Variants in SLC30A8 observed in about 807,000 individuals in gnomAD.
SLC30A8 encodes the protein proton-coupled zinc antiporter SLC30A8.
In SLC30A8, 27 loss-of-function variants were observed where a neutral mutation model predicts 36.9. The ratio of observed to expected loss-of-function variants is 0.73; its 90% CI spans 0.54 to 1.01. SLC30A8 has a LOEUF of 1.01. Ranked by LOEUF, SLC30A8 falls within the 50% of genes least tolerant of loss-of-function variation. SLC30A8 has a pLI of 0.00. For synonymous variants in SLC30A8, 164 were observed against 172.4 expected (o/e 0.95, Z 0.38); for missense variants, 439 against 452.0 (o/e 0.97, Z 0.26).
At chr8:117,056,341 C>T (rs1817870031) in intron 2 of SLC30A8, among the ~76,000 whole-genome samples, 1 of 152,114 alleles carries the variant, frequency 6.6e-6, no homozygotes, top group Non-Finnish European at 1.5e-5. Context: ...TGCTCACTTT[C>T]CATCACCACA....
At chr8:117,107,859 GGC>G (rs1193302569) in intron 2 of SLC30A8, among the ~76,000 whole-genome samples, 12 of 152,050 alleles carry the variant, frequency 7.9e-5, no homozygotes, top group African/African-American at 1.4e-4. Flanking sequence ...TTATTTTTAT[GGC>G]AAAGTATTGT....
chr8:116,962,418 C>A (rs550770754), intron 1 of SLC30A8, among the ~76,000 whole-genome samples: 4 of 151,994 alleles, frequency 2.6e-5, no homozygotes, highest in Non-Finnish European at 5.9e-5. Flanking sequence ...TTCCTGTCTT[C>A]ATTTTAACCT....
chr8:116,988,916 C>T (rs538774749), intron 1 of SLC30A8, among the ~76,000 whole-genome samples: 1 of 152,268 alleles, frequency 6.6e-6, no homozygotes, highest in East Asian at 1.9e-4. Context: ...TCATTGTATT[C>T]CTGACTTGTG....
At chr8:117,104,679 G>GA (rs549623523) in intron 2 of SLC30A8, among the ~76,000 whole-genome samples, 442 of 152,282 alleles carry the variant, frequency 2.9e-3, no homozygotes, top group African/African-American at 0.01. Flanking sequence ...GAAAGAATTT[G>GA]AGGCAAATCC....
chr8:117,059,500 C>T (rs1345121512), intron 2 of SLC30A8, among the ~76,000 whole-genome samples: 1 of 152,146 alleles, frequency 6.6e-6, no homozygotes, highest in Non-Finnish European at 1.5e-5. Flanking sequence ...AAGAACTATG[C>T]AACTGTCAGG....
intron 1 of SLC30A8, among the ~76,000 whole-genome samples, chr8:116,972,420 G>A (rs927200720): frequency 6.6e-6 from 1 of 152,184 alleles, no homozygotes; most frequent in Admixed American, 6.5e-5. Flanking sequence ...AACCGTGGAG[G>A]AATAAGCGAC....
rs1822268120 is a variant in SLC30A8, at chr8:117,152,996, A to G, written c.324A>G (p.Leu108=). The G allele has an allele frequency of 1.9e-6, 3 of 1,613,262 alleles. No homozygotes were observed. In the South Asian group the frequency reaches 3.3e-5, roughly 18 times the overall value. ...LAVVTDAAHL[L]IDLTSFLLSL... is the part of the protein sequence containing the mutation. The stretch of plus-strand genomic sequence containing the variant: ...TTGTCACAGATGCTGCCCACCTCTT[A>G]ATTGACCTGACCAGTTTCCTGCTCA... The change falls in exon 3 of 8, where the codon TTA becomes TTG. Residue 108 remains leucine, a synonymous_variant. Coordinates refer to ENST00000456015, the MANE Select transcript of SLC30A8 (RefSeq NM_173851.3).
chr8:117,060,368 C>T (rs1222223890), intron 2 of SLC30A8, among the ~76,000 whole-genome samples: 1 of 151,786 alleles, frequency 6.6e-6, no homozygotes, highest in African/African-American at 2.4e-5. Flanking sequence ...CTCTGATGAA[C>T]AAGGGGAAGA....
At position 117,152,181 on chromosome 8, in the gene SLC30A8, A is replaced by G. The variant is rs184612377; in HGVS notation, c.272-763A>G. On this transcript the variant is annotated intron_variant, in intron 2 of 7. Coordinates refer to ENST00000456015, the MANE Select transcript of SLC30A8 (RefSeq NM_173851.3). ...AGATGTAGTAAGAGCAATAAAGGTT[A>G]TTGCTCTCAAACAACAAACCATGTC... Among the ~76,000 whole-genome samples, 14 of 152,286 alleles carry G rather than the reference A, an allele frequency of 9.2e-5. No individual in the cohort carries two copies. In the East Asian group the frequency reaches 1.5e-3, roughly 17 times the overall value.
chr8:117,063,431 T>C (rs1412832727), intron 2 of SLC30A8, among the ~76,000 whole-genome samples: 1 of 152,134 alleles, frequency 6.6e-6, no homozygotes, highest in Non-Finnish European at 1.5e-5. Context: ...ATGTGACTTC[T>C]AATAAAGCAA....
upstream of SLC30A8, among the ~76,000 whole-genome samples, chr8:117,134,241 T>C (rs575393536): frequency 6.6e-6 from 1 of 152,062 alleles, no homozygotes; most frequent in South Asian, 2.1e-4. Flanking sequence ...CACTAGAAAG[T>C]TAGTGTTCAC....
At chr8:117,077,356 T>C (rs895330048) in intron 2 of SLC30A8, among the ~76,000 whole-genome samples, 1 of 152,176 alleles carries the variant, frequency 6.6e-6, no homozygotes, top group Non-Finnish European at 1.5e-5. Context: ...AAGAAAAAAA[T>C]ATCTTATGGT....
chr8:117,094,653 C>T (rs565788386), intron 2 of SLC30A8, among the ~76,000 whole-genome samples: 2 of 152,294 alleles, frequency 1.3e-5, no homozygotes, highest in South Asian at 4.1e-4. Flanking sequence ...CGCAAGTTCC[C>T]ACTCCTGTTT....
chr8:117,117,926 A>G (rs542130590), intron 2 of SLC30A8, among the ~76,000 whole-genome samples: 1 of 152,096 alleles, frequency 6.6e-6, no homozygotes, highest in Admixed American at 6.6e-5. Flanking sequence ...AGTTTTGATT[A>G]CCTCTATCAG....
rs975294073 is a variant in SLC30A8, at chr8:117,124,808, G to T, written c.-225-10472G>T. Among the ~76,000 whole-genome samples, 103 of 151,584 alleles carry T rather than the reference G, an allele frequency of 6.8e-4. 1 individual carries two copies. The highest frequency in any genetic ancestry group is 3.9e-4 in the East Asian group (2 of 5,106). On this transcript the variant is annotated intron_variant, in intron 2 of 10. Transcript: ENST00000427715. ...ACTGTGGACTACTAGATGGGGGAGG[G>T]TGTGGGCTCCTATTGGGTACCATGC...
rs529617727 is a variant in SLC30A8 at position 117,109,944 on chromosome 8, G to A, written c.-225-25336G>A. On this transcript the variant is annotated intron_variant, in intron 2 of 10. Coordinates refer to the SLC30A8 transcript ENST00000427715. ...CGGCTCAGCATTTATAGTGATTAAG[G>A]TGCTTAGAATTACGCTTTCTTTATT... is the stretch of plus-strand genomic sequence containing the variant. 5.2e-4 allele frequency among the ~76,000 whole-genome samples: 79 copies of A among 152,276 alleles called. 2 individuals carry two copies. In the South Asian group the frequency reaches 0.013, roughly 26 times the overall value.
chr8:117,074,175 TTTG>T (rs1818420934), intron 2 of SLC30A8, among the ~76,000 whole-genome samples: 1 of 152,064 alleles, frequency 6.6e-6, no homozygotes, highest in African/African-American at 2.4e-5. Flanking sequence ...TTTGTGTGTG[TTTG>T]TTATGATTTT....
intron 2 of SLC30A8, among the ~76,000 whole-genome samples, chr8:117,126,964 C>A (rs1820932569): frequency 6.6e-6 from 1 of 151,972 alleles, no homozygotes; most frequent in African/African-American, 2.4e-5. Flanking sequence ...ACTGGGGCAT[C>A]TAATAGCGCC....
At chr8:117,090,672 A>G (rs1187510464) in intron 2 of SLC30A8, among the ~76,000 whole-genome samples, 2 of 152,188 alleles carry the variant, frequency 1.3e-5, no homozygotes, top group African/African-American at 4.8e-5. Context: ...TCCTAATCCC[A>G]TCACATTGGG....
Sources: allele counts gnomAD v4.1 joint callset (sites outside exome capture counted in the v4.1 genomes callset), GRCh38; gene constraint gnomAD v4.1.1; transcripts MANE v1.5; gene names NCBI Gene and HGNC (gene_info 2026-07-23, HGNC 2026-07-21).